SPICE1: variants seen among roughly 807,000 people sequenced by gnomAD.
SPICE1 encodes the protein spindle and centriole-associated protein 1.
Under a neutral mutation model 102.7 loss-of-function variants are expected in SPICE1, and 75 were observed. That is an observed-to-expected ratio of 0.73 (90% CI 0.61 to 0.88). The LOEUF is 0.88. Ranked by LOEUF, SPICE1 falls within the 40% of genes least tolerant of loss-of-function variation. The pLI is 0.00. For missense variants in SPICE1, 979 were observed against 1,020.1 expected (o/e 0.96, Z 0.55); for synonymous variants, 308 against 350.3 (o/e 0.88, Z 1.35).
chr3:113,473,844 A>G (rs1220940366), intron 7 of SPICE1, among the ~76,000 whole-genome samples: 2 of 152,142 alleles, frequency 1.3e-5, no homozygotes, highest in Non-Finnish European at 2.9e-5. Flanking sequence ...GCCAAATTGT[A>G]AAGACCATCG....
In SPICE1 at chr3:113,473,499, T is replaced by A. The variant is rs144824952; in HGVS notation, c.612-4261A>T. Among the ~76,000 whole-genome samples the A allele has an allele frequency of 1.0e-4, 15 of 150,598 alleles. 1 individual carries two copies. Among genetic ancestry groups the A allele is most frequent in the Middle Eastern group, 3.4e-3 (1 of 294 alleles). On this transcript the variant is annotated intron_variant, in intron 7 of 17. Transcript: ENST00000295872. ...CGCATAATTGTCAGATTCACCAAAG[T>A]GGAAATGAAAGAAAAAATGTTAAGG...
intron 7 of SPICE1, among the ~76,000 whole-genome samples, chr3:113,472,997 G>A (rs952904656): frequency 1.2e-4 from 18 of 152,156 alleles, no homozygotes; most frequent in Non-Finnish European, 2.2e-4. Flanking sequence ...CGAGCTACAG[G>A]AGGAAATTCA....
chr3:113,506,971 T>C (rs1251185502), intron 1 of SPICE1, among the ~76,000 whole-genome samples: 3 of 152,140 alleles, frequency 2.0e-5, no homozygotes, highest in Non-Finnish European at 4.4e-5. Context: ...GCTAACAATA[T>C]GAATGTAAGG....
intron 1 of SPICE1, among the ~76,000 whole-genome samples, chr3:113,510,013 A>C (rs1028758569): frequency 2.0e-5 from 3 of 152,222 alleles, no homozygotes; most frequent in Non-Finnish European, 4.4e-5. Context: ...TTTTCTTTAT[A>C]AATTACCCAG....
intron 4 of SPICE1, among the ~76,000 whole-genome samples, chr3:113,494,596 G>A (rs1176729600): frequency 2.0e-5 from 3 of 149,378 alleles, no homozygotes; most frequent in African/African-American, 7.4e-5. Flanking sequence ...GCAGTGAGCC[G>A]AGATCCCGCC....
At chr3:113,445,799 CT>C (rs1203117144) in intron 17 of SPICE1, among the ~76,000 whole-genome samples, 13 of 152,120 alleles carry the variant, frequency 8.5e-5, no homozygotes, top group Non-Finnish European at 2.9e-5. Flanking sequence ...TATCATTCCC[CT>C]ATCATTTAAT....
chr3:113,490,595 T>C (rs1052211121), intron 6 of SPICE1, among the ~76,000 whole-genome samples: 2 of 152,008 alleles, frequency 1.3e-5, no homozygotes, highest in Non-Finnish European at 2.9e-5. Context: ...TGAGTCATGA[T>C]TGTGCCACTG....
intron 7 of SPICE1, among the ~76,000 whole-genome samples, chr3:113,479,374 A>G (rs1035009685): frequency 2.6e-5 from 4 of 151,504 alleles, no homozygotes; most frequent in African/African-American, 4.9e-5. Flanking sequence ...CCAGGCTATC[A>G]TTGTTGGACA....
intron 7 of SPICE1, among the ~76,000 whole-genome samples, chr3:113,486,391 C>CA (rs539296043): frequency 0.029 from 4,311 of 149,888 alleles, 106 homozygotes; most frequent in East Asian, 0.1. Context: ...AAAAACCCTT[C>CA]AAAAAATCAA....
At chr3:113,494,309 A>G (rs1936826218) in intron 4 of SPICE1, among the ~76,000 whole-genome samples, 167 bp from the exon 5 acceptor site, 1 of 152,222 alleles carries the variant, frequency 6.6e-6, no homozygotes, top group Admixed American at 6.5e-5. Flanking sequence ...GGCTAAGACA[A>G]TAATTAGTGG....
At chr3:113,496,414 T>C (rs990119488) in intron 4 of SPICE1, among the ~76,000 whole-genome samples, 12 of 114,042 alleles carry the variant, frequency 1.1e-4, no homozygotes, top group Non-Finnish European at 1.8e-5. Context: ...AGGATCCCAG[T>C]CTCTACAAAA....
rs182783287 is a variant in SPICE1, at chr3:113,494,333, G to C, written c.292-191C>G. On this transcript the variant is annotated intron_variant, in intron 4 of 17. Transcript: ENST00000295872. ...AATAATTAGTGGCTTTCCAATACCT[G>C]ACTGAAATCCAAAGTAAGAAATATT... is the stretch of plus-strand genomic sequence containing the variant. Among the ~76,000 whole-genome samples, 72 of 152,292 alleles carry C rather than the reference G, an allele frequency of 4.7e-4. No homozygotes were observed. In the East Asian group the frequency reaches 0.011, roughly 24 times the overall value.
chr3:113,506,253 C>T (rs1325352309), intron 2 of SPICE1, among the ~76,000 whole-genome samples: 2 of 152,282 alleles, frequency 1.3e-5, no homozygotes, highest in South Asian at 2.1e-4. Context: ...TTAAAATATG[C>T]TCCCCATCCC....
intron 11 of SPICE1, among the ~76,000 whole-genome samples, chr3:113,461,870 A>G: frequency 6.6e-6 from 1 of 152,154 alleles, no homozygotes; most frequent in East Asian, 1.9e-4. Context: ...TTTTTATACC[A>G]CCAGCCCAAA....
rs1936819996 is a variant in SPICE1, at chr3:113,494,031, T to C, written c.385+18A>G. On this transcript the variant is annotated intron_variant, in intron 5 of 17. Transcript: ENST00000295872. ...CTACAGTTAATAAAATAGAGAAGCT[T>C]TTGTTTGAATTGAATACCTGTGCGC... is the stretch of plus-strand genomic sequence containing the variant. 2 of 1,556,302 alleles carry C rather than the reference T, an allele frequency of 1.3e-6. No homozygotes were observed. The highest frequency in any genetic ancestry group is 2.7e-5 in the African/African-American group (2 of 72,814).
In SPICE1 at chr3:113,499,475, T is replaced by A; in HGVS notation, c.255A>T (p.Leu85Phe). The A allele has an allele frequency of 6.2e-7, 1 of 1,613,346 alleles. No individual in the cohort carries two copies. Among genetic ancestry groups the A allele is most frequent in the Non-Finnish European group, 8.5e-7 (1 of 1,179,792 alleles). Residue 85 changes from leucine to phenylalanine, a missense_variant, in exon 4 of 18, where the codon TTA (leucine) becomes TTT (phenylalanine). Leu to Phe is a conservative substitution (Grantham distance 22, BLOSUM62 0). Coordinates refer to ENST00000295872, the MANE Select transcript of SPICE1 (RefSeq NM_144718.4). The part of the protein sequence containing the change: ...RKWRKQKPET[L>F]NLEKRRLSIM... ...TAGACAATCTTCTTTTCTCAAGATT[T>A]AAAGTTTCTGGTTTCTGCTTCCTCC... is the stretch of plus-strand genomic sequence containing the variant.
intron 7 of SPICE1, among the ~76,000 whole-genome samples, chr3:113,481,401 CTT>C (rs201685630): frequency 1.4e-5 from 2 of 147,976 alleles, no homozygotes; most frequent in African/African-American, 2.5e-5. Context: ...GAAAAGTAGA[CTT>C]TTTTTTTTCT....
chr3:113,507,577 T>C (rs182848463), intron 1 of SPICE1, among the ~76,000 whole-genome samples: 105 of 151,938 alleles, frequency 6.9e-4, no homozygotes, highest in South Asian at 1.5e-3. Flanking sequence ...TTGCACTCTG[T>C]ACTCTCTCTT....
chr3:113,467,361 G>A (rs954658028), intron 10 of SPICE1, among the ~76,000 whole-genome samples: 12 of 151,870 alleles, frequency 7.9e-5, no homozygotes, highest in African/African-American at 2.4e-4. Context: ...GCGCGATCTC[G>A]GCTCACTGCA....
Sources: allele counts gnomAD v4.1 joint callset (sites outside exome capture counted in the v4.1 genomes callset), GRCh38; gene constraint gnomAD v4.1.1; transcripts MANE v1.5; gene names NCBI Gene and HGNC (gene_info 2026-07-23, HGNC 2026-07-21).